Variants in CPED1 observed in about 807,000 individuals in gnomAD.
CPED1 encodes cadherin-like and PC-esterase domain-containing protein 1.
In CPED1, 114 loss-of-function variants were observed where a neutral mutation model predicts 128.2. The observed-to-expected ratio is 0.89, with a 90% CI of 0.76 to 1.04. CPED1 has a LOEUF of 1.04. CPED1 is among the 50% of genes least tolerant of loss of function. The probability of loss-of-function intolerance (pLI) is 0.00; values close to 1 mark genes in which losing one functional copy is unlikely to be tolerated. For synonymous variants in CPED1, 462 were observed against 426.7 expected, an observed-to-expected ratio of 1.08 and a Z score of -1.02; for missense variants, 1,211 against 1,207.1, an observed-to-expected ratio of 1.00 and a Z score of -0.05.
intron 21 of CPED1, 78 bp from the exon 22 acceptor site, chr7:121,271,206 A>G (rs1420476675): frequency 1.3e-5 from 15 of 1,185,400 alleles, no homozygotes; most frequent in Non-Finnish European, 1.7e-5. Flanking sequence ...AGACATTTAC[A>G]TAATTTCCAC....
At position 121,077,387 on chromosome 7, in the gene CPED1, TA is replaced by T. The variant is rs1313305448; in HGVS notation, c.616+13076del. 2.0e-5 allele frequency among the ~76,000 whole-genome samples: 3 copies of T among 149,380 alleles called. No individual in the cohort carries two copies. In the East Asian group the frequency reaches 5.8e-4, roughly 29 times the overall value. ...CTTTTATTATGTCTTTATTAAACAG[TA>T]AGACATTCATATGAAAAGAATAGAA... On this transcript the variant is annotated intron_variant, in intron 5 of 22. Coordinates refer to ENST00000310396, the MANE Select transcript of CPED1 (RefSeq NM_024913.5).
intron 2 of CPED1, among the ~76,000 whole-genome samples, chr7:120,990,391 A>G (rs1485997937): frequency 6.6e-6 from 1 of 152,214 alleles, no homozygotes; most frequent in Non-Finnish European, 1.5e-5. Flanking sequence ...CATTAAAATA[A>G]TAGGATAATA....
chr7:121,256,132 A>AAAAAAAAAAAAAAAAAAAAAC (rs1562852772), intron 18 of CPED1, among the ~76,000 whole-genome samples: 5 of 148,054 alleles, frequency 3.4e-5, no homozygotes, highest in African/African-American at 1.3e-4. Context: ...AACAAAACAA[A>AAAAAAAAAAAAAAAAAAAAAC]AAAAAAAAAC....
intron 12 of CPED1, 99 bp downstream of exon 12, chr7:121,130,393 CA>C: frequency 2.2e-6 from 2 of 902,872 alleles, no homozygotes; most frequent in Non-Finnish European, 1.6e-6. Context: ...GCAGCAACAA[CA>C]AAAAAGTGTG....
chr7:121,162,100 A>G (rs1796424101), intron 16 of CPED1, among the ~76,000 whole-genome samples: 1 of 152,224 alleles, frequency 6.6e-6, no homozygotes, highest in Non-Finnish European at 1.5e-5. Flanking sequence ...ACTTAAGTCC[A>G]TAAAGTGTTG....
chr7:121,173,272 T>A (rs985504735), intron 16 of CPED1, among the ~76,000 whole-genome samples: 17 of 152,260 alleles, frequency 1.1e-4, no homozygotes, highest in African/African-American at 3.8e-4. Flanking sequence ...AACTTTTAGG[T>A]TCATGGTTAC....
intron 22 of CPED1, among the ~76,000 whole-genome samples, chr7:121,289,523 T>C (rs574883701): frequency 1.3e-5 from 2 of 152,310 alleles, no homozygotes; most frequent in South Asian, 4.1e-4. Flanking sequence ...TCATTTGCAA[T>C]GTAACTAAAA....
intron 16 of CPED1, among the ~76,000 whole-genome samples, chr7:121,179,531 A>G (rs1356544504): frequency 6.6e-6 from 1 of 152,156 alleles, no homozygotes; most frequent in Non-Finnish European, 1.5e-5. Flanking sequence ...TCTTCTAAGC[A>G]GAAACAGAAG....
chr7:121,203,307 G>A (rs891863819), intron 16 of CPED1, among the ~76,000 whole-genome samples: 25 of 151,920 alleles, frequency 1.6e-4, no homozygotes, highest in Non-Finnish European at 3.2e-4. Context: ...CTTTCTCCTG[G>A]GAGCCTGGGT....
At position 121,236,696 on chromosome 7, in the gene CPED1, T is replaced by C. The variant is rs777978467; in HGVS notation, c.2056-18T>C. 65 of 1,417,330 alleles carry C rather than the reference T, an allele frequency of 4.6e-5. No homozygotes were observed. Among genetic ancestry groups the C allele is most frequent in the Non-Finnish European group, 6.1e-5 (63 of 1,030,156 alleles). 87.8% of individuals were successfully genotyped at this position (1,417,330 alleles called of 1,614,324 possible). ...AAGTTAATTAATACAACAACTAATA[T>C]CTATTATTTTAATGCAGGATTGTGG... On this transcript the variant is annotated intron_variant, in intron 16 of 22. Coordinates refer to ENST00000310396, the MANE Select transcript of CPED1 (RefSeq NM_024913.5).
intron 5 of CPED1, among the ~76,000 whole-genome samples, chr7:121,070,421 C>T (rs79189641): frequency 0.038 from 5,821 of 151,964 alleles, 160 homozygotes; most frequent in Non-Finnish European, 0.058. Context: ...TCACCTCTCT[C>T]CCAAACATGA....
intron 3 of CPED1, among the ~76,000 whole-genome samples, chr7:121,023,317 G>A (rs1390633050): frequency 2.0e-5 from 3 of 152,038 alleles, no homozygotes; most frequent in Non-Finnish European, 4.4e-5. Context: ...TTTATTTTTA[G>A]TAACTCAAGA....
intron 22 of CPED1, among the ~76,000 whole-genome samples, chr7:121,277,533 G>A (rs755998421): frequency 1.3e-5 from 2 of 152,116 alleles, no homozygotes; most frequent in Admixed American, 6.5e-5. Context: ...GAAGATGGCA[G>A]GTGGTGACGG....
intron 4 of CPED1, among the ~76,000 whole-genome samples, chr7:121,063,202 T>C (rs922754714): frequency 7.2e-5 from 11 of 152,064 alleles, no homozygotes; most frequent in African/African-American, 2.7e-4. Context: ...GCTGAACACA[T>C]GAACAGGGTT....
In CPED1 at chr7:121,271,327, A is replaced by G. The variant is rs1455455328; in HGVS notation, c.2765A>G (p.Asp922Gly). The G allele has an allele frequency of 3.1e-6, 5 of 1,612,510 alleles. No individual in the cohort carries two copies. In the South Asian group the frequency reaches 4.4e-5, roughly 14 times the overall value. ...NLWKENLIIL[D>G]TAKKHGYEVV... ...TGGAAAGAAAATTTGATTATTCTGG[A>G]TACTGCAAAAAAACATGGCTATGAA... Residue 922 changes from aspartate to glycine, a missense_variant, in exon 22 of 23, where the codon GAT becomes GGT. By Grantham distance (94) the Asp-to-Gly change is moderately conservative. Coordinates refer to ENST00000310396, the MANE Select transcript of CPED1 (RefSeq NM_024913.5).
rs745434584 is a variant in CPED1 at position 121,182,639 on chromosome 7, T to C, written c.2055+40498T>C. On this transcript the variant is annotated intron_variant, in intron 16 of 22. Coordinates refer to ENST00000310396, the MANE Select transcript of CPED1 (RefSeq NM_024913.5). ...GACTTCTATTTTAACTGATGTTCAG[T>C]GTAGCTTGAAATGACATGCCACAGA... 3.6e-4 allele frequency among the ~76,000 whole-genome samples: 54 copies of C among 152,082 alleles called. 1 individual carries two copies. Among genetic ancestry groups the C allele is most frequent in the Non-Finnish European group, 6.9e-4 (47 of 68,010 alleles).
intron 2 of CPED1, among the ~76,000 whole-genome samples, chr7:121,002,023 T>A (rs1483496955): frequency 6.6e-6 from 1 of 152,128 alleles, no homozygotes; most frequent in Non-Finnish European, 1.5e-5. Flanking sequence ...AACACAAATG[T>A]GATTACTGGA....
intron 18 of CPED1, among the ~76,000 whole-genome samples, chr7:121,246,904 G>A (rs904203321): frequency 5.9e-5 from 9 of 152,338 alleles, no homozygotes; most frequent in Admixed American, 2.0e-4. Flanking sequence ...CTCCTAGTTT[G>A]CAGGTGTTCT....
At chr7:121,060,509 C>G (rs891584789) in intron 4 of CPED1, among the ~76,000 whole-genome samples, 1 of 152,178 alleles carries the variant, frequency 6.6e-6, no homozygotes, top group African/African-American at 2.4e-5. Context: ...CAATCAGCAC[C>G]CTGTGTCTAG....
Sources: gnomAD v4.1 joint callset for allele counts (sites outside exome capture counted in the v4.1 genomes callset) on GRCh38, gnomAD v4.1.1 for gene constraint, MANE v1.5 for transcripts, NCBI Gene and HGNC (gene_info 2026-07-23, HGNC 2026-07-21) for gene names.